The following RBFOX1 variants were observed in gnomAD, a reference collection of about 807,000 sequenced individuals.
RBFOX1 encodes the protein RNA binding protein fox-1 homolog 1.
Under a neutral mutation model 57.7 loss-of-function variants are expected in RBFOX1, and 8 were observed. The observed-to-expected ratio is 0.14, with a 90% CI of 0.08 to 0.25. The LOEUF (loss-of-function observed/expected upper bound fraction) is 0.25, where lower values mean the gene tolerates loss of function less well. Ranked by LOEUF, RBFOX1 falls within the 10% of genes least tolerant of loss-of-function variation. The pLI is 1.00. For synonymous variants in RBFOX1, 326 were observed against 222.4 expected, an observed-to-expected ratio of 1.47 and a Z score of -4.15; for missense variants, 611 against 548.5, an observed-to-expected ratio of 1.11 and a Z score of -1.14.
chr16:7,240,689 G>C (rs948567517), intron 4 of RBFOX1, among the ~76,000 whole-genome samples: 2 of 152,054 alleles, frequency 1.3e-5, no homozygotes, highest in Non-Finnish European at 2.9e-5. Flanking sequence ...TGAGTAGCTA[G>C]GACTAGAGGC....
At chr16:6,812,326 C>T (rs1394611057) in intron 3 of RBFOX1, among the ~76,000 whole-genome samples, 2 of 152,146 alleles carry the variant, frequency 1.3e-5, no homozygotes, top group East Asian at 1.9e-4. Flanking sequence ...AGAAAGGAAA[C>T]ACAATGCAAA....
At chr16:7,318,560 G>T (rs1447738227) in intron 4 of RBFOX1, among the ~76,000 whole-genome samples, 1 of 152,142 alleles carries the variant, frequency 6.6e-6, no homozygotes, top group Non-Finnish European at 1.5e-5. Context: ...GATATTCATT[G>T]TCATTATGAA....
At chr16:7,687,016 C>T (rs1013803144) in intron 14 of RBFOX1, among the ~76,000 whole-genome samples, 4 of 152,074 alleles carry the variant, frequency 2.6e-5, no homozygotes, top group African/African-American at 9.7e-5. Flanking sequence ...ATCATGTTAG[C>T]AATAGGAACT....
chr16:6,210,789 A>G (rs1446543798), intron 1 of RBFOX1, among the ~76,000 whole-genome samples: 1 of 152,188 alleles, frequency 6.6e-6, no homozygotes, highest in Non-Finnish European at 1.5e-5. Flanking sequence ...AAGATCTCGT[A>G]ATAATGCCTG....
At chr16:5,388,732 GC>G (rs2066322036) in intron 1 of RBFOX1, among the ~76,000 whole-genome samples, 1 of 151,856 alleles carries the variant, frequency 6.6e-6, no homozygotes, top group Non-Finnish European at 1.5e-5. Flanking sequence ...ATGCCACCAT[GC>G]CCAGCTAATT....
intron 3 of RBFOX1, among the ~76,000 whole-genome samples, chr16:6,907,772 C>A (rs1398544922): frequency 1.4e-5 from 2 of 146,100 alleles, no homozygotes; most frequent in African/African-American, 4.9e-5. Context: ...TAGGGTTTCA[C>A]CATTTTGGCC....
At chr16:5,390,439 C>T (rs1023247093) in intron 1 of RBFOX1, among the ~76,000 whole-genome samples, 1 of 151,224 alleles carries the variant, frequency 6.6e-6, no homozygotes, top group Non-Finnish European at 1.5e-5. Flanking sequence ...CAGGCGCCCA[C>T]GACTACACTC....
chr16:6,358,720 A>G (rs188625687), intron 2 of RBFOX1, among the ~76,000 whole-genome samples: 5 of 152,328 alleles, frequency 3.3e-5, no homozygotes, highest in Admixed American at 1.3e-4. Flanking sequence ...GTAAGAGGTG[A>G]AGCTGGAGTT....
intron 1 of RBFOX1, among the ~76,000 whole-genome samples, chr16:6,133,885 C>G (rs926446717): frequency 6.6e-6 from 1 of 152,076 alleles, no homozygotes; most frequent in East Asian, 1.9e-4. Flanking sequence ...ACTGTTTAGA[C>G]CCCAGCTCAA....
intron 2 of RBFOX1, among the ~76,000 whole-genome samples, chr16:5,557,006 T>A (rs1373140101): frequency 1.3e-5 from 2 of 152,162 alleles, no homozygotes; most frequent in Admixed American, 6.5e-5. Context: ...ATGCCTGTAA[T>A]CCCAGCACTT....
chr16:5,991,560 GTAC>G (rs1434296260), intron 4 of RBFOX1, among the ~76,000 whole-genome samples: 5 of 151,814 alleles, frequency 3.3e-5, no homozygotes, highest in African/African-American at 1.2e-4. Flanking sequence ...TGGGAGATCT[GTAC>G]TCAATGATCG....
At chr16:6,512,009 A>G (rs555021637) in intron 2 of RBFOX1, among the ~76,000 whole-genome samples, 52 of 152,156 alleles carry the variant, frequency 3.4e-4, no homozygotes, top group African/African-American at 1.3e-3. Flanking sequence ...GGTGGCTTAT[A>G]CCTGTAATCC....
intron 2 of RBFOX1, among the ~76,000 whole-genome samples, chr16:6,350,480 A>C (rs2086164358): frequency 1.0e-4 from 8 of 79,730 alleles, no homozygotes; most frequent in African/African-American, 2.7e-4. Context: ...AAAAAAAAAA[A>C]AAAAAAAAAA....
intron 2 of RBFOX1, among the ~76,000 whole-genome samples, chr16:6,539,157 C>T (rs1437748919): frequency 6.6e-6 from 1 of 151,778 alleles, no homozygotes; most frequent in African/African-American, 2.4e-5. Context: ...CATGGTATGA[C>T]TGTTCTTCTC....
At chr16:7,511,745 T>C (rs1262047702) in intron 4 of RBFOX1, among the ~76,000 whole-genome samples, 1 of 152,178 alleles carries the variant, frequency 6.6e-6, no homozygotes. Flanking sequence ...CATCCTGCTG[T>C]CGTTGAGTTG....
intron 3 of RBFOX1, among the ~76,000 whole-genome samples, chr16:6,978,922 G>T: frequency 6.6e-6 from 1 of 152,184 alleles, no homozygotes; most frequent in Non-Finnish European, 1.5e-5. Flanking sequence ...GGGCACAGAG[G>T]CCTGGGGACC....
At chr16:6,587,022 G>T (rs1277385336) in intron 2 of RBFOX1, among the ~76,000 whole-genome samples, 1 of 152,122 alleles carries the variant, frequency 6.6e-6, no homozygotes, top group East Asian at 1.9e-4. Flanking sequence ...GTGTGTGTGT[G>T]TGTGTGTTGA....
intron 1 of RBFOX1, among the ~76,000 whole-genome samples, chr16:6,054,116 T>C (rs934128174): frequency 3.9e-5 from 6 of 152,112 alleles, no homozygotes; most frequent in Non-Finnish European, 7.4e-5. Flanking sequence ...ATGGCTGTAA[T>C]TGAGGAAACT....
At chr16:7,102,986 CAG>C (rs2062949158) in intron 4 of RBFOX1, among the ~76,000 whole-genome samples, 1 of 151,670 alleles carries the variant, frequency 6.6e-6, no homozygotes, top group African/African-American at 2.4e-5. Flanking sequence ...GCTGTGTGTA[CAG>C]ACACACACAC....
Sources: allele counts gnomAD v4.1 joint callset (sites outside exome capture counted in the v4.1 genomes callset), GRCh38; gene constraint gnomAD v4.1.1; transcripts MANE v1.5; gene names NCBI Gene and HGNC (gene_info 2026-07-23, HGNC 2026-07-21).